The following TANGO6 variants were observed in gnomAD, a reference collection of about 807,000 sequenced individuals.
TANGO6 encodes the protein transport and Golgi organization protein 6 homolog.
TANGO6 carries 90 observed loss-of-function variants against 114.2 expected under a neutral mutation model. The ratio of observed to expected loss-of-function variants is 0.79; its 90% CI spans 0.66 to 0.94. TANGO6 has a LOEUF of 0.94. Ranked by LOEUF, TANGO6 falls within the 40% of genes least tolerant of loss-of-function variation. TANGO6 has a pLI of 0.00. For missense variants in TANGO6, 1,274 were observed against 1,315.3 expected (o/e 0.97, Z 0.49); for synonymous variants, 477 against 509.8 (o/e 0.94, Z 0.87).
At chr16:68,996,553 C>T (rs895813756) in intron 15 of TANGO6, among the ~76,000 whole-genome samples, 1 of 152,146 alleles carries the variant, frequency 6.6e-6, no homozygotes, top group African/African-American at 2.4e-5. Context: ...TCTCCTGTTT[C>T]CTCATTGACT....
At chr16:69,037,333 C>T (rs1287303329) in intron 16 of TANGO6, among the ~76,000 whole-genome samples, 1 of 152,094 alleles carries the variant, frequency 6.6e-6, no homozygotes, top group Admixed American at 6.6e-5. Context: ...AAGGCAGACA[C>T]CAACATGGTT....
chr16:68,870,605 A>G (rs1477080618), intron 4 of TANGO6, among the ~76,000 whole-genome samples: 1 of 152,156 alleles, frequency 6.6e-6, no homozygotes, highest in African/African-American at 2.4e-5. Context: ...CAACTTGTGC[A>G]TGTATATATT....
At chr16:68,843,734 C>T (rs1297955957) in intron 1 of TANGO6, 23 bp downstream of exon 1, 6 of 1,611,640 alleles carry the variant, frequency 3.7e-6, no homozygotes, top group South Asian at 3.3e-5. Flanking sequence ...ATCTCCGCGC[C>T]GGGCTGGACC....
chr16:68,985,267 T>C (rs1016895550), intron 15 of TANGO6, among the ~76,000 whole-genome samples: 1 of 152,214 alleles, frequency 6.6e-6, no homozygotes, highest in Non-Finnish European at 1.5e-5. Flanking sequence ...TGGGAACATA[T>C]TGTTTAATTA....
At chr16:68,988,783 T>C (rs1963921051) in intron 15 of TANGO6, among the ~76,000 whole-genome samples, 1 of 147,868 alleles carries the variant, frequency 6.8e-6, no homozygotes, top group African/African-American at 2.5e-5. Context: ...CACTGCAGCC[T>C]GAAACTCCAG....
chr16:68,851,136 T>TA (rs1414031132), intron 1 of TANGO6, among the ~76,000 whole-genome samples: 3 of 151,952 alleles, frequency 2.0e-5, no homozygotes. Context: ...ACTATATATA[T>TA]TTTTTTCTGC....
At chr16:68,852,460 A>T (rs1961918011) in intron 1 of TANGO6, among the ~76,000 whole-genome samples, 1 of 152,164 alleles carries the variant, frequency 6.6e-6, no homozygotes. Flanking sequence ...ATTTTCAAAA[A>T]AAAAATTTAG....
intron 17 of TANGO6, among the ~76,000 whole-genome samples, chr16:69,046,063 CAAAAAA>C (rs61017260): frequency 1.0e-5 from 1 of 95,948 alleles, no homozygotes; most frequent in East Asian, 3.1e-4. Flanking sequence ...GACTCCAACT[CAAAAAA>C]AAAAAAAAAA....
intron 14 of TANGO6, among the ~76,000 whole-genome samples, chr16:68,959,407 T>C (rs1296263652): frequency 1.3e-5 from 2 of 152,010 alleles, no homozygotes; most frequent in Non-Finnish European, 2.9e-5. Flanking sequence ...ACCAACATGG[T>C]GAAACCCTGT....
At chr16:69,074,640 C>T (rs934536127) in intron 17 of TANGO6, among the ~76,000 whole-genome samples, 1 of 152,006 alleles carries the variant, frequency 6.6e-6, no homozygotes, top group African/African-American at 2.4e-5. Context: ...TCTGGACACT[C>T]CTAAGTCTGA....
At chr16:68,867,392 A>G (rs1962195246) in intron 4 of TANGO6, 172 bp downstream of exon 4, 5 of 716,654 alleles carry the variant, frequency 7.0e-6, no homozygotes, top group Non-Finnish European at 9.0e-6. Context: ...TTCTTTTCCA[A>G]AGAAACTAAT....
In TANGO6 at chr16:68,862,976, G is replaced by A; in HGVS notation, c.767G>A (p.Arg256Lys). The A allele has an allele frequency of 6.3e-7, 1 of 1,598,764 alleles. No individual in the cohort carries two copies. Among genetic ancestry groups the A allele is most frequent in the Non-Finnish European group, 8.5e-7 (1 of 1,172,764 alleles). Residue 256 changes from arginine to lysine, a missense_variant, in exon 3 of 18, where the codon AGG becomes AAG. Physicochemically the swap from Arg to Lys is conservative, Grantham distance 26. Transcript: ENST00000261778. ...ACTGAAGAGGAGAGAACCCTATCCA[G>A]GGGGGCCTTGAGAGACATGCTGGAT... ...VLTEEERTLSRGALRDMLDQV... is the reference protein window; with the variant it reads ...VLTEEERTLSKGALRDMLDQV...
intron 1 of TANGO6, among the ~76,000 whole-genome samples, chr16:68,844,200 C>A (rs1961769400): frequency 6.6e-6 from 1 of 152,056 alleles, no homozygotes. Flanking sequence ...TTAGGGGTTA[C>A]CAGGCGCTTT....
chr16:68,859,979 G>T lies in TANGO6; in HGVS notation c.190G>T (p.Asp64Tyr). 1 of 1,613,546 alleles carries T rather than the reference G, an allele frequency of 6.2e-7. No individual in the cohort carries two copies. Among genetic ancestry groups the T allele is most frequent in the Non-Finnish European group, 8.5e-7 (1 of 1,179,560 alleles). The change falls in exon 2 of 18, where the codon GAT (aspartate) becomes TAT (tyrosine). Residue 64 changes from aspartate (D) to tyrosine (Y), a missense_variant. This residue lies in a region of TANGO6 where 114 missense variants were observed against 104.6 expected (regional missense o/e 1.09). Coordinates refer to ENST00000261778, the MANE Select transcript of TANGO6 (RefSeq NM_024562.2). ...TGCTTTGGAGGACAAGTTTCTGAAGGATCCTCAGTGGAAGAATCTGAAACT... is the reference window on the plus strand; with the variant it reads ...TGCTTTGGAGGACAAGTTTCTGAAGTATCCTCAGTGGAAGAATCTGAAACT... ...LSALEDKFLK[D>Y]PQWKNLKLLR... is the part of the protein sequence containing the mutation.
intron 15 of TANGO6, among the ~76,000 whole-genome samples, chr16:68,981,063 G>A (rs1255784618): frequency 2.0e-5 from 3 of 151,892 alleles, no homozygotes; most frequent in African/African-American, 4.8e-5. Flanking sequence ...AGGAGTTTTT[G>A]TACTCCTAGA....
intron 5 of TANGO6, among the ~76,000 whole-genome samples, chr16:68,877,002 T>C (rs1216942342): frequency 6.6e-6 from 1 of 152,210 alleles, no homozygotes; most frequent in Non-Finnish European, 1.5e-5. Flanking sequence ...TATCCATAAG[T>C]CTTTGTACAT....
chr16:68,955,002 T>C (rs16958507), intron 14 of TANGO6, among the ~76,000 whole-genome samples: 12,015 of 152,232 alleles, frequency 0.079, 533 homozygotes, highest in African/African-American at 0.099. Flanking sequence ...GGAAACTGAA[T>C]TGTTTCATGA....
intron 14 of TANGO6, among the ~76,000 whole-genome samples, chr16:68,957,647 C>T (rs137925274): frequency 1.6e-3 from 239 of 152,020 alleles, no homozygotes; most frequent in African/African-American, 5.0e-3. Flanking sequence ...CATCTGCCCA[C>T]GTTGGCCTCC....
intron 17 of TANGO6, among the ~76,000 whole-genome samples, chr16:69,076,581 T>C (rs1045349388): frequency 6.6e-6 from 1 of 152,196 alleles, no homozygotes; most frequent in Non-Finnish European, 1.5e-5. Context: ...CTGTGTTTTT[T>C]AGAAAGCCAT....
Sources: allele counts gnomAD v4.1 joint callset (sites outside exome capture counted in the v4.1 genomes callset), GRCh38; gene constraint gnomAD v4.1.1; regional missense constraint gnomAD v4.1.1; transcripts MANE v1.5; gene names NCBI Gene and HGNC (gene_info 2026-07-23, HGNC 2026-07-21).